Variants in PLEKHA6 observed in about 807,000 individuals in gnomAD.
PLEKHA6 encodes the protein pleckstrin homology domain-containing family A member 6.
A neutral mutation model predicts 116.7 loss-of-function variants in PLEKHA6; 60 were observed. The observed-to-expected ratio is 0.51, with a 90% confidence interval of 0.42 to 0.64. PLEKHA6 has a LOEUF of 0.64. Ranked by LOEUF, PLEKHA6 falls within the 30% of genes least tolerant of loss-of-function variation. PLEKHA6 has a pLI of 0.00. For missense variants in PLEKHA6, 1,338 were observed against 1,422.7 expected, an observed-to-expected ratio of 0.94 and a Z score of 0.96; for synonymous variants, 489 against 556.1, an observed-to-expected ratio of 0.88 and a Z score of 1.70.
intron 1 of PLEKHA6, among the ~76,000 whole-genome samples, chr1:204,329,888 CAAA>C (rs35574473): frequency 1.7e-5 from 2 of 118,376 alleles, no homozygotes; most frequent in Non-Finnish European, 1.8e-5. Context: ...GACCCTGTCT[CAAA>C]AAAAAAAAAA....
chr1:204,234,828 C>G (rs1661713765), intron 17 of PLEKHA6, among the ~76,000 whole-genome samples: 1 of 151,488 alleles, frequency 6.6e-6, no homozygotes, highest in African/African-American at 2.4e-5. Context: ...ATGCTTCCTG[C>G]CCTCGAACAT....
chr1:204,311,142 C>G (rs1338914788), intron 1 of PLEKHA6, among the ~76,000 whole-genome samples: 1 of 152,198 alleles, frequency 6.6e-6, no homozygotes, highest in Non-Finnish European at 1.5e-5. Flanking sequence ...CGCTTGAACT[C>G]CTGCAGAGAC....
rs562948741 is a variant in PLEKHA6 at position 204,309,556 on chromosome 1, C to A, written c.-94-34747G>T. 11 of 159,916 alleles carry A rather than the reference C, an allele frequency of 6.9e-5. No individual in the cohort carries two copies. The Admixed American group carries it at 7.2e-4, about 10-fold the overall frequency. The allele number at this position is 159,916 out of a possible 1,614,324, so 9.9% of individuals were successfully genotyped here. On this transcript the variant is annotated intron_variant, in intron 1 of 22. Coordinates refer to ENST00000272203, the MANE Select transcript of PLEKHA6 (RefSeq NM_014935.5). The stretch of plus-strand genomic sequence containing the variant: ...GCAATAGGCTACACCATAAAGCCTA[C>A]GTGTGTAGTAGGCTATACCACCTGG...
Position 204,228,532 on chromosome 1 carries a change from G to A in PLEKHA6, c.2885+196C>T. ...TGTCTCGATGGTGTGGTGTGCACGA[G>A]CCTGGCAGGTCTTAGTAGCACCTGA... On this transcript the variant is annotated intron_variant, in intron 20 of 22. Coordinates refer to ENST00000272203, the MANE Select transcript of PLEKHA6 (RefSeq NM_014935.5). This position sits in a 1 kb window ranked among gnomAD's most constrained non-coding sequence, Gnocchi z 4.0. Among the ~76,000 whole-genome samples the A allele has an allele frequency of 6.6e-6, 1 of 152,088 alleles. No individual in the cohort carries two copies. Among genetic ancestry groups the A allele is most frequent in the East Asian group, 1.9e-4 (1 of 5,190 alleles).
chr1:204,305,752 TA>T (rs1213367380), intron 1 of PLEKHA6, among the ~76,000 whole-genome samples: 2 of 151,908 alleles, frequency 1.3e-5, no homozygotes, highest in Non-Finnish European at 2.9e-5. Context: ...GTGACATAAA[TA>T]AAAAAATGTT....
intron 15 of PLEKHA6, among the ~76,000 whole-genome samples, chr1:204,243,856 T>C (rs1047326543): frequency 1.3e-5 from 2 of 152,220 alleles, no homozygotes; most frequent in African/African-American, 4.8e-5. Flanking sequence ...AGTCTGGCTC[T>C]GTCACCCAGG....
intron 1 of PLEKHA6, among the ~76,000 whole-genome samples, chr1:204,298,506 C>T (rs1322015226): frequency 1.3e-5 from 2 of 152,184 alleles, no homozygotes; most frequent in African/African-American, 4.8e-5. Context: ...CAATGACACA[C>T]AGCCATGCCC....
chr1:204,273,753 C>T lies in PLEKHA6; in HGVS notation c.-13-13G>A, dbSNP rs1168685789. On this transcript the variant is annotated splice_polypyrimidine_tract_variant and intron_variant, in intron 2 of 22. Coordinates refer to ENST00000272203, the MANE Select transcript of PLEKHA6 (RefSeq NM_014935.5). ...GTCCAAGGTCGATCTGATTTCAAGT[C>T]GACCAGAGAAAAGAGATTGGTGAGA... is the stretch of plus-strand genomic sequence containing the variant. 24 of 1,576,218 alleles carry T rather than the reference C, an allele frequency of 1.5e-5. No homozygotes were observed. The highest frequency in any genetic ancestry group is 2.1e-5 in the Non-Finnish European group (24 of 1,145,804).
chr1:204,237,492 A>G (rs1206255809), intron 17 of PLEKHA6, among the ~76,000 whole-genome samples: 1 of 152,246 alleles, frequency 6.6e-6, no homozygotes, highest in African/African-American at 2.4e-5. Context: ...TGGCCTGTGC[A>G]GAAGACTCAT....
chr1:204,295,660 C>T (rs1670205365), intron 1 of PLEKHA6, among the ~76,000 whole-genome samples: 1 of 152,126 alleles, frequency 6.6e-6, no homozygotes, highest in South Asian at 2.1e-4. Context: ...ATCCTGAGCA[C>T]CTTCGGTTCT....
Position 204,288,340 on chromosome 1 carries a change from C to T in PLEKHA6, c.-94-13531G>A, listed in dbSNP as rs184384902. 1.4e-3 allele frequency among the ~76,000 whole-genome samples: 209 copies of T among 152,352 alleles called. 1 individual carries two copies. The highest frequency in any genetic ancestry group is 2.2e-3 in the Non-Finnish European group (149 of 68,038). ...TGCCCTGAGAAAGTAGCAACTCCCA[C>T]CTTGATGCCATCCACCTGAGTAATG... On this transcript the variant is annotated intron_variant, in intron 1 of 22. Transcript: ENST00000272203.
intron 5 of PLEKHA6, among the ~76,000 whole-genome samples, chr1:204,267,048 T>C (rs1666911752): frequency 6.6e-6 from 1 of 152,204 alleles, no homozygotes; most frequent in African/African-American, 2.4e-5. Context: ...CTGACAAAAG[T>C]TCCTGCCTTC....
intron 1 of PLEKHA6, among the ~76,000 whole-genome samples, chr1:204,337,656 G>A (rs1320997666): frequency 3.9e-5 from 6 of 152,210 alleles, no homozygotes; most frequent in Admixed American, 1.3e-4. Flanking sequence ...AGAAGCCTCC[G>A]GGGTGACTGG....
chr1:204,241,830 G>A lies in PLEKHA6; in HGVS notation c.2173-16C>T, dbSNP rs373928615. 292 of 1,613,820 alleles carry A rather than the reference G, an allele frequency of 1.8e-4. No homozygotes were observed. The highest frequency in any genetic ancestry group is 2.3e-4 in the Non-Finnish European group (272 of 1,179,842). ...TTGCCTTGGGCTGGGGAGAAAGGGT[G>A]AGAAGATGGTTGATGTTAGTATGGC... On this transcript the variant is annotated splice_polypyrimidine_tract_variant and intron_variant, in intron 15 of 22. Coordinates refer to ENST00000272203, the MANE Select transcript of PLEKHA6 (RefSeq NM_014935.5).
intron 1 of PLEKHA6, among the ~76,000 whole-genome samples, chr1:204,333,545 C>T (rs1450316240): frequency 1.3e-5 from 2 of 152,242 alleles, no homozygotes; most frequent in Admixed American, 6.5e-5. Flanking sequence ...TATCATCTCT[C>T]CTTCTCAGCT....
intron 9 of PLEKHA6, 80 bp from the exon 10 acceptor site, chr1:204,250,694 G>A (rs952005633): frequency 1.1e-5 from 10 of 944,684 alleles, no homozygotes; most frequent in African/African-American, 6.4e-5. Context: ...TCACAATCCC[G>A]CTGTGCTCCT....
chr1:204,301,180 G>C (rs1310543109), intron 1 of PLEKHA6: 18 of 913,568 alleles, frequency 2.0e-5, no homozygotes, highest in Non-Finnish European at 2.4e-5. Flanking sequence ...ATGAAGTATA[G>C]AGCTATACAA....
At chr1:204,352,483 T>G (rs1056561956) in intron 1 of PLEKHA6, among the ~76,000 whole-genome samples, 1 of 152,220 alleles carries the variant, frequency 6.6e-6, no homozygotes, top group African/African-American at 2.4e-5. Flanking sequence ...TTCAGTCTCC[T>G]AACAGGATAG....
intron 6 of PLEKHA6, among the ~76,000 whole-genome samples, chr1:204,264,065 A>C (rs1191701051): frequency 6.6e-6 from 1 of 152,182 alleles, no homozygotes; most frequent in Non-Finnish European, 1.5e-5. Context: ...CTACAGATCC[A>C]GTCATCTAAT....
Sources: gnomAD v4.1 joint callset for allele counts (sites outside exome capture counted in the v4.1 genomes callset) on GRCh38, gnomAD v4.1.1 for gene constraint, Gnocchi (gnomAD v3.1) non-coding constraint, MANE v1.5 for transcripts, NCBI Gene and HGNC (gene_info 2026-07-23, HGNC 2026-07-21) for gene names.